Variants in KCTD19 observed in about 807,000 individuals in gnomAD.
The protein encoded by KCTD19 is BTB/POZ domain-containing protein KCTD19.
A neutral mutation model predicts 103.5 loss-of-function variants in KCTD19; 67 were observed. The ratio of observed to expected loss-of-function variants is 0.65; its 90% CI spans 0.53 to 0.79. KCTD19 has a LOEUF of 0.79. Among genes scored for constraint, KCTD19 ranks in the 30% least tolerant of loss-of-function variants. The pLI is 0.00. For missense variants in KCTD19, 980 were observed against 1,136.1 expected, an observed-to-expected ratio of 0.86 and a Z score of 1.98; for synonymous variants, 439 against 452.2, an observed-to-expected ratio of 0.97 and a Z score of 0.37.
At position 67,300,009 on chromosome 16, in the gene KCTD19, T is replaced by C. The variant is rs1434092242; in HGVS notation, c.776-436A>G. 1 of 179,298 alleles carries C rather than the reference T, an allele frequency of 5.6e-6. No individual in the cohort carries two copies. The highest frequency in any genetic ancestry group is 2.4e-5 in the African/African-American group (1 of 42,000). The allele number at this position is 179,298 out of a possible 1,614,324, so 11.1% of individuals were successfully genotyped here. On this transcript the variant is annotated intron_variant, in intron 5 of 15. Coordinates refer to ENST00000304372, the MANE Select transcript of KCTD19 (RefSeq NM_001100915.3). The surrounding 1 kb of genome is among the most constrained non-coding windows in gnomAD (Gnocchi z 4.5). ...CTGTTGCTGGCTCTCCTGGGCAGAATTTCCCCCAGAGACATACTGTGTGGC... is the reference window on the plus strand; with the variant it reads ...CTGTTGCTGGCTCTCCTGGGCAGAACTTCCCCCAGAGACATACTGTGTGGC...
chr16:67,316,546 G>A (rs2037015188), intron 2 of KCTD19, among the ~76,000 whole-genome samples: 1 of 151,978 alleles, frequency 6.6e-6, no homozygotes, highest in Non-Finnish European at 1.5e-5. Context: ...TTGTTTAAAA[G>A]ACTGATTGAA....
At chr16:67,315,325 T>TGGG (rs1567453966) in intron 2 of KCTD19, among the ~76,000 whole-genome samples, 5 of 151,278 alleles carry the variant, frequency 3.3e-5, no homozygotes, top group African/African-American at 1.2e-4. Context: ...TTTTTTTTTT[T>TGGG]GGGATAGTCT....
At position 67,293,832 on chromosome 16, in the gene KCTD19, T is replaced by C. The variant is rs750748982; in HGVS notation, c.1930A>G (p.Met644Val). Reference sequence around the variant, plus strand: ...AATTCCCACTGTTTGCAATTGACCATGTCCCATTCTCTCACCAGGGAGATG... The same window carrying C: ...AATTCCCACTGTTTGCAATTGACCACGTCCCATTCTCTCACCAGGGAGATG... Reference protein sequence around the residue: ...KLISLVREWDMVNCKQWEFQP... With the variant: ...KLISLVREWDVVNCKQWEFQP... The change falls in exon 12 of 16, where the codon ATG (methionine) becomes GTG (valine). Residue 644 changes from methionine to valine, a missense_variant. Physicochemically the swap from Met to Val is conservative, Grantham distance 21. Coordinates refer to ENST00000304372, the MANE Select transcript of KCTD19 (RefSeq NM_001100915.3). The surrounding 1 kb of genome is among the most constrained non-coding windows in gnomAD (Gnocchi z 4.0). 5.6e-6 allele frequency: 9 copies of C among 1,613,780 alleles called. No individual in the cohort carries two copies. In the South Asian group the frequency reaches 7.7e-5, roughly 14 times the overall value.
rs181367000 is a variant in KCTD19 at position 67,291,616 on chromosome 16, G to A, written c.2410+30C>T. ...GGCTCAGGCATCCTCACGAGGAGGC[G>A]CAGGGCTCGGCCTGGCTCCAGAGCC... On this transcript the variant is annotated intron_variant, in intron 13 of 15. Transcript: ENST00000304372. The A allele has an allele frequency of 1.8e-3, 2,834 of 1,601,256 alleles. 21 individuals are homozygous for A. The highest frequency in any genetic ancestry group is 2.1e-3 in the Non-Finnish European group (2,404 of 1,171,168).
chr16:67,295,666 C>T (rs2142503787), intron 8 of KCTD19: 1 of 388,142 alleles, frequency 2.6e-6, no homozygotes, highest in East Asian at 4.7e-5. Flanking sequence ...CTTCTCAGTC[C>T]AGGTCCCTCA....
rs371041564 is a variant in KCTD19 at position 67,326,308 on chromosome 16, T to C, written c.3+397A>G. Among the ~76,000 whole-genome samples the C allele has an allele frequency of 4.0e-4, 61 of 151,280 alleles. 1 individual carries two copies. In the East Asian group the frequency reaches 0.011, roughly 28 times the overall value. Reference sequence around the variant, plus strand: ...CTCCTCAGAGCCAGGATTCCCAACCTTTCAGATCTGGAGCTCCCCATCATG... The same window carrying C: ...CTCCTCAGAGCCAGGATTCCCAACCCTTCAGATCTGGAGCTCCCCATCATG... On this transcript the variant is annotated intron_variant, in intron 1 of 15. Coordinates refer to ENST00000304372, the MANE Select transcript of KCTD19 (RefSeq NM_001100915.3).
intron 2 of KCTD19, among the ~76,000 whole-genome samples, chr16:67,310,113 A>G (rs1280424842): frequency 1.3e-5 from 2 of 152,194 alleles, no homozygotes; most frequent in Admixed American, 1.3e-4. Context: ...ACTTCTAGAA[A>G]TACAAGTCCT....
chr16:67,294,461 G>A, intron 11 of KCTD19, 119 bp downstream of exon 11: 3 of 743,848 alleles, frequency 4.0e-6, no homozygotes, highest in Non-Finnish European at 6.9e-6. Flanking sequence ...AGGAACCCAT[G>A]TAGGCTCTGC....
At chr16:67,294,556 C>T (rs2036742347) in intron 11 of KCTD19, 24 bp downstream of exon 11, 4 of 1,531,826 alleles carry the variant, frequency 2.6e-6, no homozygotes, top group Non-Finnish European at 3.6e-6. Flanking sequence ...AGGATAACAC[C>T]AACCAGAGGA....
At chr16:67,309,115 C>T (rs1315894011) in intron 2 of KCTD19, among the ~76,000 whole-genome samples, 11 of 131,874 alleles carry the variant, frequency 8.3e-5, no homozygotes, top group Non-Finnish European at 1.2e-4. Context: ...GGAGACAGAG[C>T]GAGACTTCAG....
intron 6 of KCTD19, among the ~76,000 whole-genome samples, chr16:67,297,960 T>C (rs1202651419): frequency 6.6e-6 from 1 of 151,650 alleles, no homozygotes; most frequent in Admixed American, 6.6e-5. Context: ...CTGGCTAATT[T>C]TTTGTATTTT....
rs1353251563 is a variant in KCTD19 at position 67,294,639 on chromosome 16, G to T, written c.1531C>A (p.Leu511Met). 50 of 1,614,172 alleles carry T rather than the reference G, an allele frequency of 3.1e-5. No individual in the cohort carries two copies. Among genetic ancestry groups the T allele is most frequent in the Non-Finnish European group, 4.2e-5 (50 of 1,180,020 alleles). Reference protein sequence around the residue: ...ENEEAFSIRRLHVVTEGPGSL... With the variant: ...ENEEAFSIRRMHVVTEGPGSL... ...CCTGGCCCTTCTGTCACCACATGCA[G>T]CCTCCTGATGGAAAAAGCTTCTTCA... Residue 511 changes from leucine (L) to methionine (M), a missense_variant, in exon 11 of 16, where the codon CTG (leucine) becomes ATG (methionine). Leu to Met is a conservative substitution (Grantham distance 15). Transcript: ENST00000304372.
In KCTD19 at chr16:67,293,408, T is replaced by C; in HGVS notation, c.2218+136A>G. On this transcript the variant is annotated intron_variant, in intron 12 of 15. Coordinates refer to ENST00000304372, the MANE Select transcript of KCTD19 (RefSeq NM_001100915.3). This position sits in a 1 kb window ranked among gnomAD's most constrained non-coding sequence, Gnocchi z 4.0. ...ATGTGCCAGTCATTTCTGTGTCTGC[T>C]GCCTGGCACAGAGATGGCATTGGTG... 1.0e-6 allele frequency: 1 copy of C among 956,790 alleles called. No homozygotes were observed. The highest frequency in any genetic ancestry group is 1.6e-6 in the Non-Finnish European group (1 of 633,326). 59.3% of individuals were successfully genotyped at this position (956,790 alleles called of 1,614,324 possible). A position where few individuals can be genotyped will look rare whatever the true frequency, so the allele number is the denominator to read the frequency against.
At chr16:67,324,435 T>C (rs2037108337) in intron 1 of KCTD19, among the ~76,000 whole-genome samples, 1 of 152,216 alleles carries the variant, frequency 6.6e-6, no homozygotes, top group Non-Finnish European at 1.5e-5. Flanking sequence ...GCAATTTATT[T>C]TGAGATGAAT....
chr16:67,294,246 C>A lies in KCTD19; in HGVS notation c.1591-75G>T, dbSNP rs979004016. ...AACGCCTTGCCCAAGATCTAATAAG[C>A]TGGGCCTCCAAGACTTCACTTGCTC... On this transcript the variant is annotated intron_variant, in intron 11 of 15. Coordinates refer to ENST00000304372, the MANE Select transcript of KCTD19 (RefSeq NM_001100915.3). 9.7e-6 allele frequency: 14 copies of A among 1,439,106 alleles called. No homozygotes were observed. In the African/African-American group the frequency reaches 1.8e-4, roughly 19 times the overall value. The allele number at this position is 1,439,106 out of a possible 1,614,324, so 89.1% of individuals were successfully genotyped here.
rs2036718283 is a variant in KCTD19 at position 67,293,044 on chromosome 16, T to C, written c.2218+500A>G. Among the ~76,000 whole-genome samples the C allele has an allele frequency of 6.6e-6, 1 of 152,120 alleles. No individual in the cohort carries two copies. The highest frequency in any genetic ancestry group is 2.1e-4 in the South Asian group (1 of 4,828). ...TTTCCTCTGCTCCTGGAGCAAACTTTCTGATGGGCACACCTGACCCCGTGC... is the reference window on the plus strand; with the variant it reads ...TTTCCTCTGCTCCTGGAGCAAACTTCCTGATGGGCACACCTGACCCCGTGC... On this transcript the variant is annotated intron_variant, in intron 12 of 15. Coordinates refer to ENST00000304372, the MANE Select transcript of KCTD19 (RefSeq NM_001100915.3). This position sits in a 1 kb window ranked among gnomAD's most constrained non-coding sequence, Gnocchi z 4.0.
At chr16:67,295,945 A>G in intron 8 of KCTD19, 1 of 521,132 alleles carries the variant, frequency 1.9e-6, no homozygotes, top group Non-Finnish European at 3.5e-6. Flanking sequence ...GGGTTTCACC[A>G]TGTTGGTCAG....
At chr16:67,301,693 C>G in intron 5 of KCTD19, 98 bp downstream of exon 5, 2 of 1,187,370 alleles carry the variant, frequency 1.7e-6, no homozygotes, top group Non-Finnish European at 2.4e-6. Flanking sequence ...TCACTAACCC[C>G]CAAAGCCCGA....
In KCTD19 at chr16:67,294,994, AG is replaced by A. The variant is rs2036748265; in HGVS notation, c.1453del (p.Ala486HisfsTer29). ...TTACTTGTATGCTTCACATTGTGCA[AG>A]GGCTTCTGAGAGGGATGGAATGTGG... ...EYHIPSLSEA[L>X]AQCEAYKSWT... On this transcript the variant is annotated frameshift_variant, in exon 10 of 16. Transcript: ENST00000304372. LOFTEE classifies it high-confidence loss of function. 3.1e-6 allele frequency: 5 copies of A among 1,613,570 alleles called. No individual in the cohort carries two copies. The highest frequency in any genetic ancestry group is 2.7e-5 in the African/African-American group (2 of 74,920).
Sources: allele counts gnomAD v4.1 joint callset (sites outside exome capture counted in the v4.1 genomes callset), GRCh38; gene constraint gnomAD v4.1.1; non-coding constraint Gnocchi (gnomAD v3.1); transcripts MANE v1.5; gene names NCBI Gene and HGNC (gene_info 2026-07-23, HGNC 2026-07-21).